EXPH5: variants seen among roughly 807,000 people sequenced by gnomAD.
EXPH5 encodes the protein exophilin 5.
EXPH5 carries 42 observed loss-of-function variants against 41.1 expected under a neutral mutation model. The observed-to-expected ratio is 1.02, with a 90% confidence interval of 0.80 to 1.32. The LOEUF (loss-of-function observed/expected upper bound fraction) is 1.32, where lower values mean the gene tolerates loss of function less well. Ranked by LOEUF, EXPH5 falls within the 40% of genes most tolerant of loss-of-function variation. EXPH5 has a pLI of 0.00. For missense variants in EXPH5, 2,298 were observed against 2,314.5 expected (o/e 0.99, Z 0.15); for synonymous variants, 798 against 833.5 (o/e 0.96, Z 0.73).
At chr11:108,594,827 C>T (rs1287268326), upstream of EXPH5, among the ~76,000 whole-genome samples, 3 of 152,154 alleles carry the variant, frequency 2.0e-5, no homozygotes, top group Non-Finnish European at 2.9e-5. Context: ...TCAAAAATTG[C>T]CACTTGTGTT....
At chr11:108,541,435 A>C (rs556333786) in intron 2 of EXPH5, among the ~76,000 whole-genome samples, 1 of 152,212 alleles carries the variant, frequency 6.6e-6, no homozygotes, top group South Asian at 2.1e-4. Flanking sequence ...ATTCAAAAAA[A>C]CCCAAAAAAC....
Position 108,593,259 on chromosome 11 carries a change from C to A in EXPH5, c.119+159G>T, listed in dbSNP as rs12791136. On this transcript the variant is annotated intron_variant, in intron 1 of 5. Transcript: ENST00000265843. The stretch of plus-strand genomic sequence containing the variant: ...AAGCATCCCAAAGTCCTTCAGGGAG[C>A]AACTCCGCGCAGTTTTCTCTTCCCG... Among the ~76,000 whole-genome samples, 54,905 of 151,940 alleles carry A rather than the reference C, an allele frequency of 0.36. 10,417 individuals are homozygous for A. Among genetic ancestry groups the A allele is most frequent in the Middle Eastern group, 0.48 (141 of 292 alleles).
intron 3 of EXPH5, among the ~76,000 whole-genome samples, chr11:108,530,849 G>T (rs1489099928): frequency 6.6e-6 from 1 of 152,146 alleles, no homozygotes; most frequent in African/African-American, 2.4e-5. Context: ...GGGTGCCATG[G>T]TTGTGTGTGC....
chr11:108,581,886 A>G (rs1449859616), intron 1 of EXPH5, among the ~76,000 whole-genome samples: 2 of 152,144 alleles, frequency 1.3e-5, no homozygotes, highest in Non-Finnish European at 2.9e-5. Flanking sequence ...ATGCATATAA[A>G]CCTGACAACT....
At position 108,508,557 on chromosome 11, in the gene EXPH5, G is replaced by T. The variant is rs2093657002; in HGVS notation, c.*980C>A. 6.6e-6 allele frequency: 1 copy of T among 152,406 alleles called. No individual in the cohort carries two copies. The highest frequency in any genetic ancestry group is 6.5e-5 in the Admixed American group (1 of 15,278). 9.4% of individuals were successfully genotyped at this position (152,406 alleles called of 1,614,324 possible). On this transcript the variant is annotated 3_prime_UTR_variant, in exon 6 of 6. Transcript: ENST00000265843. ...AAACAAAAAACAAAAACAAAAAAAA[G>T]AAAATGTGAAAATGGATAGTTCTGA... is the stretch of plus-strand genomic sequence containing the variant.
rs1402794624 is a variant in EXPH5 at position 108,557,430 on chromosome 11, G to A, written c.120-15618C>T. Among the ~76,000 whole-genome samples the A allele has an allele frequency of 4.6e-5, 7 of 152,252 alleles. No individual in the cohort carries two copies. The Middle Eastern group carries it at 0.014, about 296-fold the overall frequency. On this transcript the variant is annotated intron_variant, in intron 1 of 5. Coordinates refer to ENST00000265843, the MANE Select transcript of EXPH5 (RefSeq NM_015065.3). ...ATGATCTCGGCTGATTGCAACCTCC[G>A]CCTCCTGGGTTCAGGGAATTCTCGT...
intron 4 of EXPH5, among the ~76,000 whole-genome samples, chr11:108,526,946 G>T (rs1041070848): frequency 6.6e-6 from 1 of 152,104 alleles, no homozygotes; most frequent in Non-Finnish European, 1.5e-5. Context: ...TTTTAGTGCT[G>T]GTGTCATGGT....
rs80319620 is a variant in EXPH5, at chr11:108,593,306, C to G, written c.119+112G>C. The G allele has an allele frequency of 2.9e-3, 2,617 of 890,512 alleles. 87 individuals are homozygous for G. In the East Asian group the frequency reaches 0.057, roughly 19 times the overall value. 55.2% of individuals were successfully genotyped at this position (890,512 alleles called of 1,614,324 possible). On this transcript the variant is annotated intron_variant, in intron 1 of 5. Transcript: ENST00000265843. ...CCCGACCCGCAGCCTCCGCAGCAGC[C>G]GCTCGGAGCACCCCCGGGCAGGTGC...
At chr11:108,535,929 G>C (rs961033891) in intron 3 of EXPH5, among the ~76,000 whole-genome samples, 5 of 152,192 alleles carry the variant, frequency 3.3e-5, no homozygotes, top group Non-Finnish European at 7.3e-5. Flanking sequence ...TACACCATTG[G>C]ATGCCCTGTG....
chr11:108,559,537 A>G (rs2094003313), intron 1 of EXPH5, among the ~76,000 whole-genome samples: 1 of 152,230 alleles, frequency 6.6e-6, no homozygotes, highest in South Asian at 2.1e-4. Flanking sequence ...TATATTGTTC[A>G]TGGCTTCTTT....
intron 3 of EXPH5, among the ~76,000 whole-genome samples, chr11:108,536,348 C>T (rs2093879917): frequency 6.6e-6 from 1 of 151,936 alleles, no homozygotes; most frequent in African/African-American, 2.4e-5. Flanking sequence ...TCACCGTACC[C>T]TCCACCTCCC....
At chr11:108,583,672 C>CA (rs202050197) in intron 1 of EXPH5, among the ~76,000 whole-genome samples, 259 of 133,776 alleles carry the variant, frequency 1.9e-3, no homozygotes, top group East Asian at 4.7e-3. Context: ...AAAAAATTAA[C>CA]AAAAAAATAA....
intron 1 of EXPH5, among the ~76,000 whole-genome samples, chr11:108,591,163 G>A (rs1228406915): frequency 6.6e-6 from 1 of 152,178 alleles, no homozygotes; most frequent in Non-Finnish European, 1.5e-5. Flanking sequence ...GCCTGTTGAA[G>A]CATCTCTTTT....
chr11:108,513,997 C>A lies in EXPH5; in HGVS notation c.1510G>T (p.Asp504Tyr). 6.2e-7 allele frequency: 1 copy of A among 1,613,038 alleles called. No homozygotes were observed. Among genetic ancestry groups the A allele is most frequent in the Non-Finnish European group, 8.5e-7 (1 of 1,179,586 alleles). Residue 504 changes from aspartate to tyrosine, a missense_variant, in exon 6 of 6, where the codon GAC becomes TAC. Physicochemically the swap from Asp to Tyr is radical, Grantham distance 160. Transcript: ENST00000265843. ...HRSRKSFSSS[D>Y]RDFEMISMEA... is the part of the protein sequence containing the mutation. ...ATGGAAATCATTTCAAAGTCTCTGT[C>A]AGAAGAACTGAATGATTTCCTGCTT...
chr11:108,512,916 C>A lies in EXPH5; in HGVS notation c.2591G>T (p.Cys864Phe). The change falls in exon 6 of 6, where the codon TGC becomes TTC. Residue 864 changes from cysteine to phenylalanine, a missense_variant. Cys to Phe is a radical substitution (Grantham distance 205). Coordinates refer to ENST00000265843, the MANE Select transcript of EXPH5 (RefSeq NM_015065.3). ...TDTQNAQYSKCKLTPGHKTSC... is the reference protein window; with the variant it reads ...TDTQNAQYSKFKLTPGHKTSC... ...GGTCTTGTGGCCAGGAGTTAACTTGCATTTTGAGTATTGTGCATTTTGAGT... is the reference window on the plus strand; with the variant it reads ...GGTCTTGTGGCCAGGAGTTAACTTGAATTTTGAGTATTGTGCATTTTGAGT... 3 of 1,613,394 alleles carry A rather than the reference C, an allele frequency of 1.9e-6. 1 individual carries two copies.
At chr11:108,567,629 A>G (rs1210058303) in intron 1 of EXPH5, among the ~76,000 whole-genome samples, 1 of 152,206 alleles carries the variant, frequency 6.6e-6, no homozygotes, top group African/African-American at 2.4e-5. Context: ...TTCATAGCCC[A>G]TACAAACATT....
chr11:108,526,366 A>G (rs1184276674), intron 4 of EXPH5, among the ~76,000 whole-genome samples: 1 of 152,182 alleles, frequency 6.6e-6, no homozygotes, highest in Non-Finnish European at 1.5e-5. Context: ...AGGACTGTCA[A>G]AGTAAGATGT....
At chr11:108,568,572 TACA>T (rs1406424418) in intron 1 of EXPH5, among the ~76,000 whole-genome samples, 1 of 152,178 alleles carries the variant, frequency 6.6e-6, no homozygotes, top group African/African-American at 2.4e-5. Context: ...AGAAATAATG[TACA>T]ACAAGAGATC....
chr11:108,562,144 T>A (rs1022273840), intron 1 of EXPH5, among the ~76,000 whole-genome samples: 1 of 152,088 alleles, frequency 6.6e-6, no homozygotes, highest in Non-Finnish European at 1.5e-5. Context: ...AATGAAAACA[T>A]CCAGCCATAA....
Sources: allele counts gnomAD v4.1 joint callset (sites outside exome capture counted in the v4.1 genomes callset), GRCh38; gene constraint gnomAD v4.1.1; transcripts MANE v1.5; gene names NCBI Gene and HGNC (gene_info 2026-07-23, HGNC 2026-07-21).